Variants in MYO1A observed in about 807,000 individuals in gnomAD.
MYO1A encodes the protein unconventional myosin-Ia.
A neutral mutation model predicts 138.5 loss-of-function variants in MYO1A; 127 were observed. The observed-to-expected ratio is 0.92, with a 90% CI of 0.79 to 1.06. MYO1A has a LOEUF of 1.06. Ranked by LOEUF, MYO1A falls within the 50% of genes least tolerant of loss-of-function variation. The probability of loss-of-function intolerance (pLI) is 0.00; values close to 1 mark genes in which losing one functional copy is unlikely to be tolerated. For missense variants in MYO1A, 1,211 were observed against 1,288.8 expected, an observed-to-expected ratio of 0.94 and a Z score of 0.92; for synonymous variants, 477 against 497.5, an observed-to-expected ratio of 0.96 and a Z score of 0.55.
chr12:57,039,393 G>A (rs1592477326), intron 14 of MYO1A, 119 bp from the exon 15 acceptor site: 1 of 793,262 alleles, frequency 1.3e-6, no homozygotes, highest in East Asian at 2.5e-5. Context: ...ATAGTTCACA[G>A]GGGTCCTTGG....
At chr12:57,039,705 C>A (rs2030771306) in intron 14 of MYO1A, among the ~76,000 whole-genome samples, 1 of 152,188 alleles carries the variant, frequency 6.6e-6, no homozygotes, top group Admixed American at 6.5e-5. Flanking sequence ...TAATTTGATA[C>A]ATCTTCAAAG....
rs1190609402 is a variant in MYO1A at position 57,047,325 on chromosome 12, T to C, written c.408A>G (p.Leu136=). ...EQVNSVKEQL[L]QSNPVLEAFG... ...CACCCTCCAGCACTGGGTTAGACTG[T>C]AGCAGCTGCTCCTTCACAGAGTTCA... is the stretch of plus-strand genomic sequence containing the variant. The change falls in exon 5 of 28, where the codon CTA becomes CTG. Residue 136 remains leucine, a synonymous_variant. Transcript: ENST00000300119. 1 of 1,614,106 alleles carries C rather than the reference T, an allele frequency of 6.2e-7. No homozygotes were observed. The highest frequency in any genetic ancestry group is 8.5e-7 in the Non-Finnish European group (1 of 1,179,950).
chr12:57,049,608 T>A (rs780936313), intron 1 of MYO1A, among the ~76,000 whole-genome samples: 1 of 152,224 alleles, frequency 6.6e-6, no homozygotes, highest in Non-Finnish European at 1.5e-5. Flanking sequence ...CTAAGCACTG[T>A]ACATACACTA....
In MYO1A at chr12:57,030,287, C is replaced by T. The variant is rs200693379; in HGVS notation, c.2514G>A (p.Pro838=). The T allele has an allele frequency of 2.3e-5, 37 of 1,590,928 alleles. No homozygotes were observed. Among genetic ancestry groups the T allele is most frequent in the East Asian group, 2.3e-4 (10 of 43,012 alleles). Residue 838 remains proline (P), a synonymous_variant, in exon 24 of 28, where the codon CCG becomes CCA. Transcript: ENST00000300119. ...TTTCCCTCAGGATCTCTACCTGCTT[C>T]GGGGACAGCTGATCCCGGAACCTCT... ...KCKRFRDQLS[P]KQVEILREKL...
chr12:57,046,633 G>A lies in MYO1A; in HGVS notation c.559C>T (p.Arg187Ter), dbSNP rs146269737. Reference protein sequence around the residue: ...VITNYLLEKSRLVKQLKGERN... With the variant: ...VITNYLLEKS Reference sequence around the variant, plus strand: ...TCTCCTTTGAGCTGCTTCACTAATCGGGATTTCTCAAGCAGATCTGGCAGA... The same window carrying A: ...TCTCCTTTGAGCTGCTTCACTAATCAGGATTTCTCAAGCAGATCTGGCAGA... Residue 187 changes from arginine (R) to a stop codon, truncating the protein, a stop_gained, in exon 8 of 28, where the codon CGA (arginine) becomes TGA (stop). Coordinates refer to ENST00000300119, the MANE Select transcript of MYO1A (RefSeq NM_005379.4). LOFTEE classifies it high-confidence loss of function. The A allele has an allele frequency of 9.3e-6, 15 of 1,613,782 alleles. No individual in the cohort carries two copies. The highest frequency in any genetic ancestry group is 5.0e-5 in the Admixed American group (3 of 59,986).
intron 22 of MYO1A, among the ~76,000 whole-genome samples, chr12:57,036,075 A>G (rs2030527197): frequency 6.6e-6 from 1 of 152,310 alleles, no homozygotes; most frequent in East Asian, 1.9e-4. Flanking sequence ...TCCTGCCACA[A>G]GGTTGCCTGG....
At chr12:57,029,381 T>G in intron 26 of MYO1A, 54 bp downstream of exon 26, 2 of 1,613,690 alleles carry the variant, frequency 1.2e-6, no homozygotes, top group Non-Finnish European at 1.7e-6. Context: ...GCCCCAGCCC[T>G]GGGATGCATA....
At chr12:57,045,338 C>G (rs1042267551) in intron 8 of MYO1A, among the ~76,000 whole-genome samples, 6 of 152,014 alleles carry the variant, frequency 3.9e-5, no homozygotes, top group Admixed American at 1.3e-4. Flanking sequence ...CAGGGAGTAT[C>G]CCTCAAACTA....
intron 10 of MYO1A, 143 bp from the exon 11 acceptor site, chr12:57,043,501 G>A: frequency 1.2e-6 from 1 of 819,570 alleles, no homozygotes; most frequent in African/African-American, 1.7e-5. Flanking sequence ...CCAGAACATG[G>A]CCCTGGAGGA....
intron 21 of MYO1A, 66 bp downstream of exon 21, chr12:57,036,706 C>G: frequency 1.9e-6 from 3 of 1,578,788 alleles, no homozygotes; most frequent in Admixed American, 1.7e-5. Flanking sequence ...CTCTGCTGCT[C>G]TAGCCAGCAG....
intron 26 of MYO1A, 64 bp from the exon 27 acceptor site, chr12:57,029,323 A>C: frequency 6.2e-7 from 1 of 1,612,940 alleles, no homozygotes; most frequent in Non-Finnish European, 8.5e-7. Context: ...CACCTGAGGG[A>C]CATCAAAGGC....
intron 21 of MYO1A, 146 bp downstream of exon 21, chr12:57,036,626 C>G: frequency 9.2e-7 from 1 of 1,084,522 alleles, no homozygotes. Context: ...GCCTCTCACT[C>G]CCAGACACCC....
chr12:57,039,320 G>A (rs2030751319), intron 14 of MYO1A, 46 bp from the exon 15 acceptor site: 1 of 1,477,304 alleles, frequency 6.8e-7, no homozygotes, highest in African/African-American at 1.4e-5. Flanking sequence ...TCCAAGACAA[G>A]CCTCCAGAGA....
At position 57,044,093 on chromosome 12, in the gene MYO1A, C is replaced by G; in HGVS notation, c.744+13G>C. On this transcript the variant is annotated intron_variant, in intron 9 of 27. Transcript: ENST00000300119. Reference sequence around the variant, plus strand: ...ACCTAAGGGCCCAAGCCTGCCTCACCCTGGGCACCCACCTGTACAGCCCTG... The same window carrying G: ...ACCTAAGGGCCCAAGCCTGCCTCACGCTGGGCACCCACCTGTACAGCCCTG... The G allele has an allele frequency of 6.2e-7, 1 of 1,614,176 alleles. No homozygotes were observed. Among genetic ancestry groups the G allele is most frequent in the Non-Finnish European group, 8.5e-7 (1 of 1,180,024 alleles).
rs201016505 is a variant in MYO1A at position 57,029,152 on chromosome 12, A to G, written c.2985T>C (p.Leu995=). ...RAVLDATQRQ[L]TVTVTEKFSV... is the part of the protein sequence containing the mutation. Reference sequence around the variant, plus strand: ...CTCACTTCTCAGTCACGGTGACTGTAAGCTGCCTCTGCGTGGCATCCAGCA... The same window carrying G: ...CTCACTTCTCAGTCACGGTGACTGTGAGCTGCCTCTGCGTGGCATCCAGCA... Residue 995 remains leucine, a synonymous_variant, in exon 27 of 28, where the codon CTT becomes CTC. Transcript: ENST00000300119. 98 of 1,614,102 alleles carry G rather than the reference A, an allele frequency of 6.1e-5. No homozygotes were observed. In the East Asian group the frequency reaches 6.7e-4, roughly 11 times the overall value.
chr12:57,034,063 T>A (rs918035855), intron 22 of MYO1A, among the ~76,000 whole-genome samples: 3 of 152,268 alleles, frequency 2.0e-5, no homozygotes, highest in African/African-American at 4.8e-5. Flanking sequence ...CTTTTTATTG[T>A]TTGTTCTAGA....
At chr12:57,035,538 C>T (rs1029783638) in intron 22 of MYO1A, among the ~76,000 whole-genome samples, 4 of 152,222 alleles carry the variant, frequency 2.6e-5, no homozygotes, top group Non-Finnish European at 5.9e-5. Flanking sequence ...ACCCAATCAG[C>T]GGAGGTCAAT....
At chr12:57,034,898 G>A (rs952845412) in intron 22 of MYO1A, among the ~76,000 whole-genome samples, 5 of 152,142 alleles carry the variant, frequency 3.3e-5, no homozygotes, top group African/African-American at 4.8e-5. Context: ...CCTGGGAGGC[G>A]GAGGTTGCAG....
intron 8 of MYO1A, among the ~76,000 whole-genome samples, chr12:57,044,514 G>C (rs183657279): frequency 6.6e-6 from 1 of 152,268 alleles, no homozygotes; most frequent in East Asian, 1.9e-4. Flanking sequence ...TCAGCCTCCT[G>C]TGTAGCTGGG....
Sources: allele counts gnomAD v4.1 joint callset (sites outside exome capture counted in the v4.1 genomes callset), GRCh38; gene constraint gnomAD v4.1.1; transcripts MANE v1.5; gene names NCBI Gene and HGNC (gene_info 2026-07-23, HGNC 2026-07-21).